The following UST variants were observed in gnomAD, a reference collection of about 807,000 sequenced individuals.
UST encodes uronyl 2-sulfotransferase, also known as chondroitin sulfate 2-O-sulfotransferase.
In UST, 21 loss-of-function variants were observed where a neutral mutation model predicts 45.6. The ratio of observed to expected loss-of-function variants is 0.46; its 90% confidence interval spans 0.33 to 0.66. The LOEUF (loss-of-function observed/expected upper bound fraction) is 0.66. Among genes scored for constraint, UST ranks in the 30% least tolerant of loss-of-function variants. The pLI is 0.02. For synonymous variants in UST, 215 were observed against 200.6 expected (o/e 1.07, Z -0.61); for missense variants, 463 against 512.4 (o/e 0.90, Z 0.93).
chr6:149,043,745 A>G (rs1776360373), intron 7 of UST, among the ~76,000 whole-genome samples: 1 of 152,264 alleles, frequency 6.6e-6, no homozygotes, highest in African/African-American at 2.4e-5. Context: ...AATGGTGACC[A>G]AGCCTTTTGT....
At chr6:148,805,073 C>T (rs1212377478) in intron 1 of UST, among the ~76,000 whole-genome samples, 2 of 152,000 alleles carry the variant, frequency 1.3e-5, no homozygotes, top group Non-Finnish European at 2.9e-5. Flanking sequence ...TTGAGTTTCA[C>T]GTGATGAAAA....
At chr6:148,784,555 T>A (rs1389351390) in intron 1 of UST, among the ~76,000 whole-genome samples, 1 of 152,222 alleles carries the variant, frequency 6.6e-6, no homozygotes, top group African/African-American at 2.4e-5. Context: ...CTAAGCTGGC[T>A]GGAAGGTATT....
chr6:148,946,282 C>T (rs758090958), intron 3 of UST, among the ~76,000 whole-genome samples: 69 of 151,902 alleles, frequency 4.5e-4, no homozygotes, highest in Middle Eastern at 3.2e-3. Context: ...GAGGCCGAGG[C>T]GGTGGATCAC....
chr6:148,990,634 A>G (rs1003074788), intron 5 of UST, among the ~76,000 whole-genome samples: 1 of 152,178 alleles, frequency 6.6e-6, no homozygotes. Flanking sequence ...GGAAGCCAGC[A>G]GGAAACAGTA....
chr6:148,843,017 G>A (rs1338177656), intron 1 of UST, among the ~76,000 whole-genome samples: 1 of 152,206 alleles, frequency 6.6e-6, no homozygotes, highest in Non-Finnish European at 1.5e-5. Context: ...TGTGGTCTAG[G>A]CACCTGAAGA....
chr6:148,902,809 A>G (rs144534301), intron 2 of UST, among the ~76,000 whole-genome samples: 244 of 151,820 alleles, frequency 1.6e-3, no homozygotes, highest in African/African-American at 5.4e-3. Context: ...TTTTTGCTCT[A>G]CTGTCTAGAA....
At chr6:148,795,941 A>C (rs1776940848) in intron 1 of UST, among the ~76,000 whole-genome samples, 1 of 152,228 alleles carries the variant, frequency 6.6e-6, no homozygotes, top group Admixed American at 6.5e-5. Context: ...CTACACCTGC[A>C]TATGCTATCC....
At chr6:148,919,871 G>A (rs1348794841) in intron 2 of UST, among the ~76,000 whole-genome samples, 1 of 152,190 alleles carries the variant, frequency 6.6e-6, no homozygotes, top group Non-Finnish European at 1.5e-5. Flanking sequence ...TGAGTTTGAG[G>A]ACTAGACAGG....
At chr6:148,929,668 T>C (rs954172380) in intron 2 of UST, among the ~76,000 whole-genome samples, 6 of 152,298 alleles carry the variant, frequency 3.9e-5, no homozygotes, top group Non-Finnish European at 8.8e-5. Flanking sequence ...CTTTATTGTT[T>C]GAGTTTCGTT....
chr6:148,993,250 C>T (rs539608520), intron 5 of UST, among the ~76,000 whole-genome samples: 2 of 152,280 alleles, frequency 1.3e-5, no homozygotes, highest in South Asian at 4.1e-4. Flanking sequence ...CAGCTAAATA[C>T]ACAATCTTCC....
At chr6:148,899,667 G>A (rs112458003) in intron 2 of UST, among the ~76,000 whole-genome samples, 4 of 152,296 alleles carry the variant, frequency 2.6e-5, no homozygotes, top group Admixed American at 6.5e-5. Context: ...AATCAAAGTC[G>A]TGCATGCACG....
At chr6:148,829,561 A>G (rs757764631) in intron 1 of UST, among the ~76,000 whole-genome samples, 3 of 151,882 alleles carry the variant, frequency 2.0e-5, no homozygotes, top group African/African-American at 4.8e-5. Flanking sequence ...CACCATCTCT[A>G]CTTGCCCTTT....
At chr6:148,785,901 C>T (rs955594388) in intron 1 of UST, among the ~76,000 whole-genome samples, 2 of 152,108 alleles carry the variant, frequency 1.3e-5, no homozygotes, top group African/African-American at 4.8e-5. Flanking sequence ...ATTGAGGAAC[C>T]ATCATTGGAT....
chr6:148,994,041 C>T (rs1238554963), intron 5 of UST, among the ~76,000 whole-genome samples: 1 of 130,830 alleles, frequency 7.6e-6, no homozygotes, highest in African/African-American at 3.0e-5. Flanking sequence ...ATGATCTTGG[C>T]TCACTGCAAC....
chr6:148,953,943 C>T lies in UST; in HGVS notation c.519C>T (p.Asn173=). The part of the protein sequence containing the change: ...YLFTRHVHFL[N]FSRFGGDQPV... The stretch of plus-strand genomic sequence containing the variant: ...TCACTCGACATGTTCATTTCCTCAA[C>T]TTCTCAAGGTAAGACATTTTCCAGT... The change falls in exon 4 of 8, where the codon AAC becomes AAT. Residue 173 remains asparagine (N), a synonymous_variant. Coordinates refer to ENST00000367463, the MANE Select transcript of UST (RefSeq NM_005715.3). 1 of 1,606,392 alleles carries T rather than the reference C, an allele frequency of 6.2e-7. No individual in the cohort carries two copies. Among genetic ancestry groups the T allele is most frequent in the Non-Finnish European group, 8.5e-7 (1 of 1,176,268 alleles).
chr6:148,809,709 A>G (rs2114728358), intron 1 of UST, among the ~76,000 whole-genome samples: 1 of 152,284 alleles, frequency 6.6e-6, no homozygotes, highest in South Asian at 2.1e-4. Context: ...CTGTCTTTTG[A>G]ATACCTTTGC....
At chr6:148,778,313 A>T (rs1776573063) in intron 1 of UST, among the ~76,000 whole-genome samples, 1 of 124,308 alleles carries the variant, frequency 8.0e-6, no homozygotes, top group South Asian at 2.5e-4. Context: ...TGTTTTAAAC[A>T]AGAATTTCAG....
chr6:148,779,934 C>G (rs1776608429), intron 1 of UST, among the ~76,000 whole-genome samples: 6 of 152,086 alleles, frequency 3.9e-5, no homozygotes, highest in Admixed American at 2.6e-4. Context: ...GTGAACTCAG[C>G]AGAAAGACTT....
chr6:148,747,766 C>T, intron 1 of UST, 89 bp downstream of exon 1: 1 of 1,419,650 alleles, frequency 7.0e-7, no homozygotes, highest in Non-Finnish European at 9.2e-7. Flanking sequence ...TCTCGCGCTG[C>T]CACCGCGCGC....
Sources: allele counts gnomAD v4.1 joint callset (sites outside exome capture counted in the v4.1 genomes callset), GRCh38; gene constraint gnomAD v4.1.1; transcripts MANE v1.5; gene names NCBI Gene and HGNC (gene_info 2026-07-23, HGNC 2026-07-21).